The following CNTN5 variants were observed in gnomAD, a reference collection of about 807,000 sequenced individuals.
The protein encoded by CNTN5 is contactin-5.
A neutral mutation model predicts 129.1 loss-of-function variants in CNTN5; 77 were observed. The ratio of observed to expected loss-of-function variants is 0.60; its 90% CI spans 0.50 to 0.72. The LOEUF is 0.72. CNTN5 is among the 30% of genes least tolerant of loss of function. The pLI, the probability that CNTN5 is intolerant of heterozygous loss-of-function variation, is 0.00. For missense variants in CNTN5, 1,478 were observed against 1,328.8 expected (o/e 1.11, Z -1.75); for synonymous variants, 509 against 465.6 (o/e 1.09, Z -1.20).
At chr11:99,808,286 T>A (rs1946331529) in intron 3 of CNTN5, among the ~76,000 whole-genome samples, 1 of 152,174 alleles carries the variant, frequency 6.6e-6, no homozygotes, top group East Asian at 1.9e-4. Context: ...CTGCAATATT[T>A]TAGCCCACTT....
chr11:100,012,394 A>T (rs974985622), intron 9 of CNTN5, among the ~76,000 whole-genome samples: 6 of 152,124 alleles, frequency 3.9e-5, no homozygotes, highest in Non-Finnish European at 8.8e-5. Context: ...ACTTCCTGTG[A>T]TGTTCTTGAC....
intron 6 of CNTN5, among the ~76,000 whole-genome samples, chr11:99,907,990 G>A (rs1173568584): frequency 1.1e-4 from 16 of 151,992 alleles, no homozygotes; most frequent in African/African-American, 2.4e-4. Flanking sequence ...AAAATTACAC[G>A]TTGAAAATTG....
At chr11:99,704,506 G>C (rs1364747852) in intron 3 of CNTN5, among the ~76,000 whole-genome samples, 1 of 150,994 alleles carries the variant, frequency 6.6e-6, no homozygotes, top group East Asian at 1.9e-4. Context: ...AAATATATAT[G>C]AAATACTAGA....
At chr11:100,224,671 G>A in intron 15 of CNTN5, 21 bp from the exon 16 acceptor site, 2 of 1,601,880 alleles carry the variant, frequency 1.2e-6, no homozygotes, top group Non-Finnish European at 1.7e-6. Context: ...ATTTTAAACT[G>A]GCACTTCATC....
intron 8 of CNTN5, among the ~76,000 whole-genome samples, chr11:100,001,128 G>A (rs980756528): frequency 5.9e-5 from 9 of 152,148 alleles, no homozygotes; most frequent in East Asian, 1.9e-4. Flanking sequence ...TTCTGCAGCC[G>A]GGTTTAATTT....
intron 17 of CNTN5, among the ~76,000 whole-genome samples, chr11:100,265,357 T>C (rs1206728564): frequency 1.1e-4 from 17 of 152,246 alleles, no homozygotes. Context: ...TGCTCCAAAA[T>C]AGCTCTTTTA....
chr11:99,989,206 T>C (rs1191040158), intron 8 of CNTN5, among the ~76,000 whole-genome samples: 1 of 152,210 alleles, frequency 6.6e-6, no homozygotes, highest in African/African-American at 2.4e-5. Flanking sequence ...TTCAGAGATC[T>C]TCAAATAATT....
chr11:99,682,345 G>C (rs768590834), intron 3 of CNTN5, among the ~76,000 whole-genome samples: 1 of 151,718 alleles, frequency 6.6e-6, no homozygotes, highest in African/African-American at 2.4e-5. Context: ...TAATTGTGGG[G>C]TACGTCATAG....
At chr11:100,292,411 C>A (rs570387701) in intron 18 of CNTN5, among the ~76,000 whole-genome samples, 42 of 152,094 alleles carry the variant, frequency 2.8e-4, no homozygotes, top group African/African-American at 9.4e-4. Context: ...TTCACAGTAA[C>A]CATTTCACAT....
In CNTN5 at chr11:99,956,884, C is replaced by G; in HGVS notation, c.752C>G (p.Thr251Arg). ...AGCCGGCGGTTCATCTCCCAGGAGA[C>G]AGGCAACCTTTATATTTCTAAAGTC... ...EDSRRFISQE[T>R]GNLYISKVQT... The change falls in exon 8 of 25, where the codon ACA (threonine) becomes AGA (arginine). Residue 251 changes from threonine to arginine, a missense_variant. By Grantham distance (71) the Thr-to-Arg change is moderately conservative (BLOSUM62 -1). Coordinates refer to ENST00000524871, the MANE Select transcript of CNTN5 (RefSeq NM_014361.4). 6.2e-7 allele frequency: 1 copy of G among 1,613,882 alleles called. No homozygotes were observed. Among genetic ancestry groups the G allele is most frequent in the East Asian group, 2.2e-5 (1 of 44,854 alleles).
intron 9 of CNTN5, among the ~76,000 whole-genome samples, chr11:100,055,350 T>C (rs1943171704): frequency 6.6e-6 from 1 of 151,632 alleles, no homozygotes; most frequent in Non-Finnish European, 1.5e-5. Context: ...ACACACACAT[T>C]ATTTTTATTG....
chr11:99,112,167 G>T (rs887229008), intron 1 of CNTN5, among the ~76,000 whole-genome samples: 2 of 151,954 alleles, frequency 1.3e-5, no homozygotes, highest in African/African-American at 4.8e-5. Context: ...TTACACCGAA[G>T]ATTTCAATAC....
At chr11:100,104,171 T>G (rs890228310) in intron 13 of CNTN5, among the ~76,000 whole-genome samples, 2 of 150,488 alleles carry the variant, frequency 1.3e-5, no homozygotes, top group African/African-American at 2.4e-5. Context: ...CTCCGCTCAC[T>G]GCAACTTCCG....
chr11:99,661,780 A>T (rs1479536308), intron 3 of CNTN5, among the ~76,000 whole-genome samples: 2 of 152,136 alleles, frequency 1.3e-5, no homozygotes, highest in Non-Finnish European at 2.9e-5. Context: ...TGATTAGTTG[A>T]GATTGGAACA....
At chr11:99,593,438 G>A (rs1329378361) in intron 3 of CNTN5, among the ~76,000 whole-genome samples, 5 of 152,090 alleles carry the variant, frequency 3.3e-5, no homozygotes, top group African/African-American at 4.8e-5. Context: ...GGGGACCCCC[G>A]TCAGTGCAGT....
At chr11:99,462,518 C>T (rs1043390750) in intron 2 of CNTN5, among the ~76,000 whole-genome samples, 1 of 151,968 alleles carries the variant, frequency 6.6e-6, no homozygotes. Flanking sequence ...TAAGTTGATT[C>T]TTAACTAGTC....
At chr11:99,803,766 C>T (rs1946185170) in intron 3 of CNTN5, among the ~76,000 whole-genome samples, 1 of 152,186 alleles carries the variant, frequency 6.6e-6, no homozygotes, top group South Asian at 2.1e-4. Context: ...ATGTTTCTCT[C>T]ATGTGCTGGG....
intron 3 of CNTN5, among the ~76,000 whole-genome samples, chr11:99,580,478 T>C (rs1432553548): frequency 6.6e-6 from 1 of 152,172 alleles, no homozygotes; most frequent in African/African-American, 2.4e-5. Context: ...TTTTGGTTGG[T>C]AATCTATTAA....
chr11:99,239,351 T>G (rs919976637), intron 1 of CNTN5, among the ~76,000 whole-genome samples: 1 of 152,246 alleles, frequency 6.6e-6, no homozygotes, highest in Admixed American at 6.5e-5. Flanking sequence ...AATATGTGTA[T>G]GCAAGTATGT....
Sources: allele counts gnomAD v4.1 joint callset (sites outside exome capture counted in the v4.1 genomes callset), GRCh38; gene constraint gnomAD v4.1.1; transcripts MANE v1.5; gene names NCBI Gene and HGNC (gene_info 2026-07-23, HGNC 2026-07-21).